The following SH3RF2 variants were observed in gnomAD, a reference collection of about 807,000 sequenced individuals.
SH3RF2 encodes SH3 domain containing ring finger 2.
Under a neutral mutation model 59.0 loss-of-function variants are expected in SH3RF2, and 43 were observed. The ratio of observed to expected loss-of-function variants is 0.73; its 90% confidence interval spans 0.57 to 0.94. The LOEUF (loss-of-function observed/expected upper bound fraction) is 0.94, where lower values mean the gene tolerates loss of function less well. SH3RF2 is among the 40% of genes least tolerant of loss of function. The probability of loss-of-function intolerance (pLI) is 0.00; values close to 1 mark genes in which losing one functional copy is unlikely to be tolerated. For missense variants in SH3RF2, 930 were observed against 940.1 expected (o/e 0.99, Z 0.14); for synonymous variants, 391 against 391.5 (o/e 1.00, Z 0.01).
intron 2 of SH3RF2, among the ~76,000 whole-genome samples, chr5:145,972,401 G>A (rs1759120172): frequency 6.6e-6 from 1 of 152,116 alleles, no homozygotes; most frequent in Admixed American, 6.5e-5. Flanking sequence ...AGAAGCAAAG[G>A]CATTTGAAGA....
chr5:146,067,365 C>T (rs549966250), downstream of SH3RF2, among the ~76,000 whole-genome samples: 2 of 152,304 alleles, frequency 1.3e-5, no homozygotes, highest in East Asian at 3.9e-4. Flanking sequence ...CCACAGCAGC[C>T]TGCTTCACTC....
At chr5:145,976,832 T>C (rs1171517367) in intron 2 of SH3RF2, among the ~76,000 whole-genome samples, 10 of 152,230 alleles carry the variant, frequency 6.6e-5, no homozygotes, top group African/African-American at 2.4e-4. Flanking sequence ...TTTGACACCA[T>C]ATAGAGGTCA....
intron 2 of SH3RF2, among the ~76,000 whole-genome samples, chr5:145,993,761 C>A (rs1760041913): frequency 6.6e-6 from 1 of 152,240 alleles, no homozygotes; most frequent in African/African-American, 2.4e-5. Context: ...GCCTCCAGGC[C>A]TGTGATGGGA....
intron 2 of SH3RF2, among the ~76,000 whole-genome samples, chr5:145,964,303 C>CCTTCCTTCCTTT (rs1554110966): frequency 8.3e-6 from 1 of 120,574 alleles, no homozygotes; most frequent in East Asian, 2.3e-4. Flanking sequence ...TTCCTTCCTT[C>CCTTCCTTCCTTT]CTTTCTTTCT....
chr5:146,044,149 G>GTTTTTTTT (rs796365278), intron 5 of SH3RF2, among the ~76,000 whole-genome samples: 1 of 61,210 alleles, frequency 1.6e-5, no homozygotes. Flanking sequence ...GTTTTTTTTT[G>GTTTTTTTT]TTTTTTTTTT....
chr5:145,978,610 T>C (rs187803476), intron 2 of SH3RF2, among the ~76,000 whole-genome samples: 1 of 152,148 alleles, frequency 6.6e-6, no homozygotes, highest in African/African-American at 2.4e-5. Flanking sequence ...ATTCAGGGTT[T>C]ACCTCATTTT....
At chr5:146,022,505 G>A (rs554609401) in intron 5 of SH3RF2, among the ~76,000 whole-genome samples, 5 of 152,208 alleles carry the variant, frequency 3.3e-5, no homozygotes, top group Non-Finnish European at 4.4e-5. Flanking sequence ...ATATCATTTC[G>A]TCCAGAAAAA....
chr5:146,043,471 C>T (rs1762194246), intron 5 of SH3RF2, among the ~76,000 whole-genome samples: 1 of 152,168 alleles, frequency 6.6e-6, no homozygotes, highest in Non-Finnish European at 1.5e-5. Flanking sequence ...TTTTTAACAG[C>T]TTTACTGAGG....
chr5:145,967,941 T>G (rs1023031610), intron 2 of SH3RF2, among the ~76,000 whole-genome samples: 3 of 152,232 alleles, frequency 2.0e-5, no homozygotes, highest in Non-Finnish European at 2.9e-5. Context: ...ATTACAGGCA[T>G]GAGCCACCAC....
Position 145,977,219 on chromosome 5 carries a change from G to T in SH3RF2, c.379-22839G>T, listed in dbSNP as rs114637689. On this transcript the variant is annotated intron_variant, in intron 2 of 9. Transcript: ENST00000359120. ...ACCTCCTGCACATGCTAAAACAAAA[G>T]ACAAGACAAGGTAAGCTATTGTCGC... is the stretch of plus-strand genomic sequence containing the variant. 7.4e-3 allele frequency among the ~76,000 whole-genome samples: 1,122 copies of T among 152,348 alleles called. 15 individuals are homozygous for T. The highest frequency in any genetic ancestry group is 0.026 in the African/African-American group (1,061 of 41,590).
chr5:145,993,059 C>T (rs4912703), intron 2 of SH3RF2, among the ~76,000 whole-genome samples: 92,387 of 151,842 alleles, frequency 0.61, 28,383 homozygotes, highest in Middle Eastern at 0.8. Context: ...GTGAATACAG[C>T]CATTTCAAAT....
chr5:146,032,394 T>C (rs1761773585), intron 5 of SH3RF2, among the ~76,000 whole-genome samples: 1 of 152,212 alleles, frequency 6.6e-6, no homozygotes, highest in East Asian at 1.9e-4. Flanking sequence ...AATTGGGTGG[T>C]CTTGAAGCTC....
chr5:145,977,804 C>T (rs1166076843), intron 2 of SH3RF2, among the ~76,000 whole-genome samples: 1 of 152,188 alleles, frequency 6.6e-6, no homozygotes, highest in Non-Finnish European at 1.5e-5. Flanking sequence ...CAAGAACAGA[C>T]ATTCTGACTG....
At chr5:146,018,197 G>A (rs248785) in intron 5 of SH3RF2, among the ~76,000 whole-genome samples, 43,029 of 151,806 alleles carry the variant, frequency 0.28, 7,721 homozygotes, top group Non-Finnish European at 0.38. Flanking sequence ...ACCCATCACC[G>A]GAGTAGCCTC....
At chr5:145,977,500 T>G (rs549052733) in intron 2 of SH3RF2, among the ~76,000 whole-genome samples, 1 of 152,338 alleles carries the variant, frequency 6.6e-6, no homozygotes, top group South Asian at 2.1e-4. Context: ...CAGCCTCTGC[T>G]TACCAAGCTC....
chr5:145,990,670 AC>A (rs1481605705), intron 2 of SH3RF2, among the ~76,000 whole-genome samples: 8 of 152,198 alleles, frequency 5.3e-5, no homozygotes, highest in Non-Finnish European at 8.8e-5. Context: ...TGGCTTCCAG[AC>A]CCTACTGAGG....
intron 5 of SH3RF2, chr5:146,043,884 T>C (rs1050929651): frequency 1.3e-5 from 2 of 152,194 alleles, no homozygotes; most frequent in African/African-American, 4.8e-5. Flanking sequence ...GTTTCTAGTT[T>C]TTTGTTAAAA....
chr5:146,062,838 CA>C lies in SH3RF2; in HGVS notation c.*141del. On this transcript the variant is annotated 3_prime_UTR_variant, in exon 10 of 10. Transcript: ENST00000359120. ...TCTTCCTATTTCACCTCCAGGAAAG[CA>C]AAAGTGGGAGCAGAAATTCCTGCCC... 8.0e-7 allele frequency: 1 copy of C among 1,246,854 alleles called. No individual in the cohort carries two copies. The highest frequency in any genetic ancestry group is 1.1e-6 in the Non-Finnish European group (1 of 922,548). The allele number at this position is 1,246,854 out of a possible 1,614,324, so 77.2% of individuals were successfully genotyped here.
At chr5:145,947,658 T>G (rs1464501717) in intron 2 of SH3RF2, among the ~76,000 whole-genome samples, 3 of 152,152 alleles carry the variant, frequency 2.0e-5, no homozygotes, top group South Asian at 2.1e-4. Flanking sequence ...TCAAGATAAT[T>G]CTTATAAAGC....
Sources: allele counts gnomAD v4.1 joint callset (sites outside exome capture counted in the v4.1 genomes callset), GRCh38; gene constraint gnomAD v4.1.1; transcripts MANE v1.5; gene names NCBI Gene and HGNC (gene_info 2026-07-23, HGNC 2026-07-21).